ADAMTS2: variants seen among roughly 807,000 people sequenced by gnomAD.
ADAMTS2 encodes the protein A disintegrin and metalloproteinase with thrombospondin motifs 2.
In ADAMTS2, 50 loss-of-function variants were observed where a neutral mutation model predicts 123.0. That is an observed-to-expected ratio of 0.41 (90% CI 0.32 to 0.51). ADAMTS2 has a LOEUF of 0.51. ADAMTS2 is among the 20% of genes least tolerant of loss of function. The pLI is 0.35. For synonymous variants in ADAMTS2, 678 were observed against 695.4 expected (o/e 0.98, Z 0.39); for missense variants, 1,494 against 1,705.2 (o/e 0.88, Z 2.18).
intron 19 of ADAMTS2, 61 bp downstream of exon 19, chr5:179,124,912 C>T: frequency 6.3e-7 from 1 of 1,589,510 alleles, no homozygotes; most frequent in Non-Finnish European, 8.5e-7. Context: ...ACGGAGCGCA[C>T]CTGCATGCCT....
intron 7 of ADAMTS2, 55 bp from the exon 8 acceptor site, chr5:179,154,247 C>T (rs566702530): frequency 1.3e-6 from 2 of 1,534,164 alleles, no homozygotes; most frequent in Admixed American, 2.0e-5. Flanking sequence ...TCTGCCAGTC[C>T]CACCCCACCC....
At chr5:179,223,606 T>G (rs989871167) in intron 3 of ADAMTS2, among the ~76,000 whole-genome samples, 7 of 144,362 alleles carry the variant, frequency 4.8e-5, no homozygotes. Flanking sequence ...GTGAATGCAC[T>G]CGCATACTCA....
chr5:179,128,249 C>T lies in ADAMTS2; in HGVS notation c.2458-131G>A, dbSNP rs930199374. Reference sequence around the variant, plus strand: ...TCATGGCAGTTACATTCCATGAAGTCGCCCCGAGCACCAAATTCTTGAATA... The same window carrying T: ...TCATGGCAGTTACATTCCATGAAGTTGCCCCGAGCACCAAATTCTTGAATA... On this transcript the variant is annotated intron_variant, in intron 16 of 21. Coordinates refer to ENST00000251582, the MANE Select transcript of ADAMTS2 (RefSeq NM_014244.5). The surrounding 1 kb of genome is among the most constrained non-coding windows in gnomAD (Gnocchi z 4.9). The T allele has an allele frequency of 4.0e-5, 47 of 1,169,928 alleles. No individual in the cohort carries two copies. Among genetic ancestry groups the T allele is most frequent in the Middle Eastern group, 4.7e-4 (2 of 4,292 alleles). 72.5% of individuals were successfully genotyped at this position (1,169,928 alleles called of 1,614,324 possible).
In ADAMTS2 at chr5:179,241,875, A is replaced by T. The variant is rs144875845; in HGVS notation, c.688+31036T>A. Among the ~76,000 whole-genome samples the T allele has an allele frequency of 3.3e-5, 5 of 152,154 alleles. No individual in the cohort carries two copies. The East Asian group carries it at 9.7e-4, about 29-fold the overall frequency. ...GGGCAAGTGGGGGACCATCTTGTTGATTTTTCACACCAGTAGCCCCTTTCC... is the reference window on the plus strand; with the variant it reads ...GGGCAAGTGGGGGACCATCTTGTTGTTTTTTCACACCAGTAGCCCCTTTCC... On this transcript the variant is annotated intron_variant, in intron 3 of 21. Coordinates refer to ENST00000251582, the MANE Select transcript of ADAMTS2 (RefSeq NM_014244.5).
chr5:179,320,517 A>G (rs1173413996), intron 2 of ADAMTS2, among the ~76,000 whole-genome samples: 1 of 144,302 alleles, frequency 6.9e-6, no homozygotes, highest in Non-Finnish European at 1.5e-5. Flanking sequence ...ACGAGGTTTC[A>G]CCATTTTAGC....
chr5:179,326,586 G>T (rs1455684923), intron 2 of ADAMTS2, among the ~76,000 whole-genome samples: 1 of 150,752 alleles, frequency 6.6e-6, no homozygotes, highest in Non-Finnish European at 1.5e-5. Context: ...CTTTCACACT[G>T]TGGTCCCTCC....
chr5:179,256,843 G>T lies in ADAMTS2; in HGVS notation c.688+16068C>A, dbSNP rs187247409. Among the ~76,000 whole-genome samples the T allele has an allele frequency of 2.2e-4, 34 of 152,370 alleles. No individual in the cohort carries two copies. The East Asian group carries it at 6.0e-3, about 27-fold the overall frequency. ...CAACATTTCTGAAGCCGTTGTACGA[G>T]TCAAATAAAACATTGCGGGGTGGGG... On this transcript the variant is annotated intron_variant, in intron 3 of 21. Transcript: ENST00000251582. This position sits in a 1 kb window ranked among gnomAD's most constrained non-coding sequence, Gnocchi z 4.1.
At chr5:179,335,291 C>G (rs74604000) in intron 2 of ADAMTS2, among the ~76,000 whole-genome samples, 1,799 of 152,176 alleles carry the variant, frequency 0.012, 41 homozygotes, top group African/African-American at 0.041. Context: ...ATTACCATTT[C>G]AACCTGTAAT....
intron 2 of ADAMTS2, among the ~76,000 whole-genome samples, chr5:179,286,169 G>A (rs1028092998): frequency 7.1e-6 from 1 of 141,728 alleles, no homozygotes; most frequent in African/African-American, 2.6e-5. Context: ...AGCTAAGATC[G>A]CACCGCTGCA....
chr5:179,234,076 G>A lies in ADAMTS2; in HGVS notation c.689-26361C>T, dbSNP rs536397910. ...AGGCCCTTCCACAGCCCGACTCCCC[G>A]TGGACTCTGCAGGTTTCCTAATGTC... On this transcript the variant is annotated intron_variant, in intron 3 of 21. Coordinates refer to ENST00000251582, the MANE Select transcript of ADAMTS2 (RefSeq NM_014244.5). The surrounding 1 kb of genome is among the most constrained non-coding windows in gnomAD (Gnocchi z 4.7). 2.6e-5 allele frequency among the ~76,000 whole-genome samples: 4 copies of A among 152,130 alleles called. No homozygotes were observed. Among genetic ancestry groups the A allele is most frequent in the South Asian group, 2.1e-4 (1 of 4,828 alleles).
intron 21 of ADAMTS2, among the ~76,000 whole-genome samples, chr5:179,116,803 G>A (rs1036492404): frequency 2.6e-5 from 4 of 152,134 alleles, no homozygotes; most frequent in African/African-American, 9.7e-5. Flanking sequence ...CTTCTACGTG[G>A]CCAAAATAAG....
rs1017115658 is a variant in ADAMTS2, at chr5:179,307,979, C to T, written c.535-34915G>A. ...AGCAAAGTTGTCCTTGCTGGGTCCA[C>T]GTCACCAGACCAGTGCCTGGCATCT... On this transcript the variant is annotated intron_variant, in intron 2 of 21. Coordinates refer to ENST00000251582, the MANE Select transcript of ADAMTS2 (RefSeq NM_014244.5). This position sits in a 1 kb window ranked among gnomAD's most constrained non-coding sequence, Gnocchi z 5.6. Among the ~76,000 whole-genome samples, 10 of 152,318 alleles carry T rather than the reference C, an allele frequency of 6.6e-5. No homozygotes were observed. Among genetic ancestry groups the T allele is most frequent in the East Asian group, 1.9e-4 (1 of 5,186 alleles).
In ADAMTS2 at chr5:179,128,574, G is replaced by T. The variant is rs916100727; in HGVS notation, c.2458-456C>A. Among the ~76,000 whole-genome samples, 5 of 152,060 alleles carry T rather than the reference G, an allele frequency of 3.3e-5. No homozygotes were observed. Among genetic ancestry groups the T allele is most frequent in the African/African-American group, 1.2e-4 (5 of 41,416 alleles). ...CGCCTGGCTAATTTTTGTATTTTTAGTAGAGACAGGGCTTCCCCATGTTGG... is the reference window on the plus strand; with the variant it reads ...CGCCTGGCTAATTTTTGTATTTTTATTAGAGACAGGGCTTCCCCATGTTGG... On this transcript the variant is annotated intron_variant, in intron 16 of 21. Transcript: ENST00000251582. The surrounding 1 kb of genome is among the most constrained non-coding windows in gnomAD (Gnocchi z 4.9).
At chr5:179,131,923 C>T (rs1002437869) in intron 15 of ADAMTS2, among the ~76,000 whole-genome samples, 5 of 152,160 alleles carry the variant, frequency 3.3e-5, no homozygotes, top group Admixed American at 6.5e-5. Flanking sequence ...CTTCCCGCCC[C>T]GACTGTGAGA....
chr5:179,273,550 T>C (rs1455691026), intron 2 of ADAMTS2, among the ~76,000 whole-genome samples: 2 of 152,130 alleles, frequency 1.3e-5, no homozygotes, highest in African/African-American at 4.8e-5. Flanking sequence ...GGCCAAACAA[T>C]ATTTTTAAAG....
intron 13 of ADAMTS2, among the ~76,000 whole-genome samples, chr5:179,133,747 T>G (rs1298495206): frequency 1.3e-5 from 2 of 151,520 alleles, no homozygotes; most frequent in East Asian, 3.9e-4. Flanking sequence ...TTTGAGACAG[T>G]CTCGCTCTGT....
chr5:179,161,820 T>C (rs752606753), intron 5 of ADAMTS2, among the ~76,000 whole-genome samples: 1 of 152,220 alleles, frequency 6.6e-6, no homozygotes, highest in Non-Finnish European at 1.5e-5. Context: ...AATTATTACA[T>C]GCCAATTAAA....
At chr5:179,233,117 G>A (rs899187189) in intron 3 of ADAMTS2, among the ~76,000 whole-genome samples, 6 of 152,154 alleles carry the variant, frequency 3.9e-5, no homozygotes, top group Non-Finnish European at 7.3e-5. Flanking sequence ...TGGGAGAATC[G>A]TTTTTCAGCA....
In ADAMTS2 at chr5:179,189,708, G is replaced by C. The variant is rs1764260216; in HGVS notation, c.892-8553C>G. Among the ~76,000 whole-genome samples, 1 of 151,186 alleles carries C rather than the reference G, an allele frequency of 6.6e-6. No individual in the cohort carries two copies. Among genetic ancestry groups the C allele is most frequent in the African/African-American group, 2.4e-5 (1 of 41,066 alleles). ...CGGATTTTACAAAGTACATTCTCAA[G>C]GGCGGAAGAATATTACAAAATATCT... On this transcript the variant is annotated intron_variant, in intron 4 of 21. Coordinates refer to ENST00000251582, the MANE Select transcript of ADAMTS2 (RefSeq NM_014244.5). This position sits in a 1 kb window ranked among gnomAD's most constrained non-coding sequence, Gnocchi z 4.2.
Sources: gnomAD v4.1 joint callset for allele counts (sites outside exome capture counted in the v4.1 genomes callset) on GRCh38, gnomAD v4.1.1 for gene constraint, Gnocchi (gnomAD v3.1) non-coding constraint, MANE v1.5 for transcripts, NCBI Gene and HGNC (gene_info 2026-07-23, HGNC 2026-07-21) for gene names.